Variants in PTK2B observed in about 807,000 individuals in gnomAD.
The protein encoded by PTK2B is protein-tyrosine kinase 2-beta.
Under a neutral mutation model 142.9 loss-of-function variants are expected in PTK2B, and 71 were observed. The ratio of observed to expected loss-of-function variants is 0.50; its 90% CI spans 0.41 to 0.61. PTK2B has a LOEUF of 0.61. Ranked by LOEUF, PTK2B falls within the 20% of genes least tolerant of loss-of-function variation. PTK2B has a pLI of 0.00. For synonymous variants in PTK2B, 519 were observed against 503.4 expected (o/e 1.03, Z -0.42); for missense variants, 1,105 against 1,320.4 (o/e 0.84, Z 2.53).
chr8:27,336,161 G>C (rs1007480055), intron 1 of PTK2B, among the ~76,000 whole-genome samples: 5 of 152,184 alleles, frequency 3.3e-5, no homozygotes, highest in African/African-American at 1.2e-4. Flanking sequence ...GGGAGGGGCT[G>C]TAGATTTGAA....
chr8:27,417,077 C>CAA (rs1253151787), intron 2 of PTK2B, among the ~76,000 whole-genome samples: 3 of 152,230 alleles, frequency 2.0e-5, no homozygotes, highest in Non-Finnish European at 2.9e-5. Flanking sequence ...AGTAATTCCT[C>CAA]TTCTCAGCAT....
intron 1 of PTK2B, among the ~76,000 whole-genome samples, chr8:27,388,111 T>G (rs901507304): frequency 3.3e-5 from 5 of 152,204 alleles, no homozygotes; most frequent in Non-Finnish European, 7.3e-5. Context: ...AGAAACCATT[T>G]GACCAACTAG....
chr8:27,437,982 T>C, intron 18 of PTK2B, 102 bp downstream of exon 18: 1 of 1,036,732 alleles, frequency 9.6e-7, no homozygotes, highest in South Asian at 1.5e-5. Flanking sequence ...CAGAGCAGTG[T>C]TGGAATCCCA....
intron 2 of PTK2B, among the ~76,000 whole-genome samples, chr8:27,411,382 C>G (rs367863049): frequency 6.6e-6 from 1 of 152,170 alleles, no homozygotes; most frequent in Non-Finnish European, 1.5e-5. Context: ...TGGCCACCCC[C>G]CTGAATTCAC....
chr8:27,329,756 A>G (rs1201678318), intron 1 of PTK2B, among the ~76,000 whole-genome samples: 3 of 152,230 alleles, frequency 2.0e-5, no homozygotes, highest in South Asian at 2.1e-4. Context: ...TTATCTGTCC[A>G]AGCAGTCGGA....
intron 1 of PTK2B, among the ~76,000 whole-genome samples, chr8:27,370,234 G>C (rs1048665628): frequency 6.6e-6 from 1 of 152,226 alleles, no homozygotes; most frequent in Admixed American, 6.5e-5. Flanking sequence ...ACCATTGTTT[G>C]TCTTGGACAA....
chr8:27,382,490 A>G (rs759539320), intron 1 of PTK2B, among the ~76,000 whole-genome samples: 1 of 151,796 alleles, frequency 6.6e-6, no homozygotes, highest in Non-Finnish European at 1.5e-5. Flanking sequence ...GGAGGTCAAG[A>G]CAGGAGGATT....
chr8:27,386,879 GTT>G (rs574920006), intron 1 of PTK2B, among the ~76,000 whole-genome samples: 10 of 142,230 alleles, frequency 7.0e-5, no homozygotes, highest in African/African-American at 2.3e-4. Flanking sequence ...AGTACCTGAG[GTT>G]TTTTTTTTTT....
chr8:27,424,395 G>A (rs17377462), intron 5 of PTK2B, among the ~76,000 whole-genome samples: 33,891 of 152,182 alleles, frequency 0.22, 3,956 homozygotes, highest in Middle Eastern at 0.36. Context: ...TGTCAAGAGT[G>A]TAACTGCTGA....
In PTK2B at chr8:27,430,135, G is replaced by A. The variant is rs770302705; in HGVS notation, c.594G>A (p.Lys198=). Residue 198 remains lysine (K), a synonymous_variant, in exon 6 of 31, where the codon AAG becomes AAA. Coordinates refer to ENST00000346049, the MANE Select transcript of PTK2B (RefSeq NM_173176.3). ...KDMPHNALDK[K]SNFELLEKEV... ...TGCCCCACAATGCACTTGACAAGAA[G>A]TCCAACTTCGAGCTCCTAGAGTAAG... 2 of 1,613,818 alleles carry A rather than the reference G, an allele frequency of 1.2e-6. No homozygotes were observed. Among genetic ancestry groups the A allele is most frequent in the Admixed American group, 1.7e-5 (1 of 60,018 alleles).
rs1240161920 is a variant in PTK2B, at chr8:27,445,111, T to G, written c.2215-683T>G. Among the ~76,000 whole-genome samples, 3 of 152,342 alleles carry G rather than the reference T, an allele frequency of 2.0e-5. No individual in the cohort carries two copies. The East Asian group carries it at 5.8e-4, about 29-fold the overall frequency. On this transcript the variant is annotated intron_variant, in intron 23 of 30. Transcript: ENST00000346049. ...GGAGTTAGGTAGGGTGGAACACACC[T>G]GTAGTCCCAGCTACTAAGGAGGGTG...
chr8:27,430,032 C>A, intron 5 of PTK2B, 61 bp from the exon 6 acceptor site: 1 of 1,506,552 alleles, frequency 6.6e-7, no homozygotes, highest in Non-Finnish European at 9.2e-7. Flanking sequence ...ATGAGGTGCC[C>A]TGGGTCTGAC....
intron 28 of PTK2B, 82 bp downstream of exon 28, chr8:27,453,242 A>G: frequency 1.4e-5 from 22 of 1,553,618 alleles, no homozygotes; most frequent in Non-Finnish European, 2.0e-5. Flanking sequence ...AAAGATTCAC[A>G]GTTCTCAGAT....
chr8:27,407,548 G>A (rs78066731), intron 2 of PTK2B, among the ~76,000 whole-genome samples: 2,726 of 152,116 alleles, frequency 0.018, 61 homozygotes, highest in Non-Finnish European at 0.023. Flanking sequence ...CTTTCTTCAG[G>A]GATTGCTTCC....
intron 1 of PTK2B, among the ~76,000 whole-genome samples, chr8:27,340,359 G>A (rs913225729): frequency 6.6e-6 from 1 of 152,210 alleles, no homozygotes; most frequent in Non-Finnish European, 1.5e-5. Flanking sequence ...AGGGTGGTTG[G>A]GTGAGGTGCT....
chr8:27,383,246 C>A (rs1468847154), intron 1 of PTK2B, among the ~76,000 whole-genome samples: 3 of 152,050 alleles, frequency 2.0e-5, no homozygotes, highest in East Asian at 1.9e-4. Context: ...CCCACCCCCC[C>A]ACTCTCCCAA....
intron 2 of PTK2B, among the ~76,000 whole-genome samples, chr8:27,417,581 A>G (rs1326682946): frequency 6.6e-6 from 1 of 152,232 alleles, no homozygotes; most frequent in African/African-American, 2.4e-5. Flanking sequence ...TTTAATGTAT[A>G]GAAATTTTAC....
At chr8:27,453,186 A>G (rs1811929008) in intron 28 of PTK2B, 26 bp downstream of exon 28, 2 of 1,613,678 alleles carry the variant, frequency 1.2e-6, no homozygotes, top group South Asian at 2.2e-5. Flanking sequence ...GCTGAAACTG[A>G]TAAATGAGAG....
chr8:27,312,685 A>G (rs1478523345), intron 2 of PTK2B, among the ~76,000 whole-genome samples: 1 of 152,234 alleles, frequency 6.6e-6, no homozygotes, highest in Non-Finnish European at 1.5e-5. Flanking sequence ...AAGGATAGCC[A>G]TAGAAATTAG....
Sources: allele counts gnomAD v4.1 joint callset (sites outside exome capture counted in the v4.1 genomes callset), GRCh38; gene constraint gnomAD v4.1.1; transcripts MANE v1.5; gene names NCBI Gene and HGNC (gene_info 2026-07-23, HGNC 2026-07-21).